Variants in EBF1 observed in about 807,000 individuals in gnomAD.
The protein encoded by EBF1 is EBF transcription factor 1, also known as transcription factor COE1.
Under a neutral mutation model 68.4 loss-of-function variants are expected in EBF1, and 10 were observed. The observed-to-expected ratio is 0.15, with a 90% CI of 0.09 to 0.25. EBF1 has a LOEUF of 0.25. Ranked by LOEUF, EBF1 falls within the 10% of genes least tolerant of loss-of-function variation. The probability of loss-of-function intolerance (pLI) is 1.00; values close to 1 mark genes in which losing one functional copy is unlikely to be tolerated. For missense variants in EBF1, 509 were observed against 794.4 expected (o/e 0.64, Z 4.32); for synonymous variants, 298 against 299.8 (o/e 0.99, Z 0.06).
intron 6 of EBF1, among the ~76,000 whole-genome samples, chr5:159,047,940 C>G (rs1200294668): frequency 2.6e-5 from 4 of 152,174 alleles, no homozygotes; most frequent in Admixed American, 2.0e-4. Context: ...CCAGAACTGT[C>G]TGCATTTCAG....
chr5:158,737,203 A>G (rs1427507188), intron 10 of EBF1, among the ~76,000 whole-genome samples: 1 of 150,796 alleles, frequency 6.6e-6, no homozygotes, highest in Non-Finnish European at 1.5e-5. Flanking sequence ...AAGCCAACAT[A>G]GGCAGAATTA....
chr5:159,006,031 T>C (rs1283883817), intron 6 of EBF1, among the ~76,000 whole-genome samples: 1 of 152,360 alleles, frequency 6.6e-6, no homozygotes, highest in Admixed American at 6.5e-5. Context: ...CTAAACTTCC[T>C]GACCTCTCTC....
At chr5:158,730,684 T>C (rs1382600000) in intron 11 of EBF1, among the ~76,000 whole-genome samples, 2 of 152,236 alleles carry the variant, frequency 1.3e-5, no homozygotes, top group Non-Finnish European at 2.9e-5. Flanking sequence ...ATTGGTAAGA[T>C]GTAGCGATTA....
intron 9 of EBF1, among the ~76,000 whole-genome samples, chr5:158,787,130 G>A (rs931225430): frequency 7.9e-5 from 12 of 152,130 alleles, no homozygotes; most frequent in African/African-American, 2.9e-4. Context: ...TAATAATGTG[G>A]CTGTACAACT....
At chr5:158,714,514 G>A (rs749895724) in intron 11 of EBF1, among the ~76,000 whole-genome samples, 17 of 151,830 alleles carry the variant, frequency 1.1e-4, no homozygotes, top group South Asian at 6.2e-4. Flanking sequence ...TCATTCAGTC[G>A]TGGTATGAAT....
chr5:159,011,503 T>G (rs2127681441), intron 6 of EBF1, among the ~76,000 whole-genome samples: 1 of 152,312 alleles, frequency 6.6e-6, no homozygotes, highest in East Asian at 1.9e-4. Flanking sequence ...TTGGTAAGTT[T>G]GGGGGGCTGG....
chr5:158,860,095 C>G (rs190615671), intron 6 of EBF1, among the ~76,000 whole-genome samples: 55 of 152,358 alleles, frequency 3.6e-4, no homozygotes, highest in African/African-American at 1.3e-3. Context: ...CAATAAACTT[C>G]TAGTTCCGCA....
chr5:158,949,843 T>C (rs912101665), intron 6 of EBF1, among the ~76,000 whole-genome samples: 5 of 152,252 alleles, frequency 3.3e-5, no homozygotes, highest in African/African-American at 1.2e-4. Context: ...ATGTTAGATA[T>C]TCATTCCCTA....
chr5:158,859,883 C>T (rs1013499337), intron 6 of EBF1, among the ~76,000 whole-genome samples: 1 of 152,370 alleles, frequency 6.6e-6, no homozygotes, highest in East Asian at 1.9e-4. Context: ...TCTGCATTTA[C>T]ATTTCATATC....
intron 6 of EBF1, among the ~76,000 whole-genome samples, chr5:158,969,923 A>AGAAG (rs1755253104): frequency 2.4e-5 from 3 of 127,366 alleles, no homozygotes; most frequent in African/African-American, 2.8e-5. Flanking sequence ...AAAGAAAAAA[A>AGAAG]AAAAAAAGGC....
chr5:159,010,015 A>G (rs562372986), intron 6 of EBF1, among the ~76,000 whole-genome samples: 5 of 152,360 alleles, frequency 3.3e-5, no homozygotes, highest in African/African-American at 1.2e-4. Flanking sequence ...GTACCAAAAT[A>G]CCAAATACAG....
At chr5:158,864,636 T>C (rs1466192025) in intron 6 of EBF1, among the ~76,000 whole-genome samples, 1 of 152,058 alleles carries the variant, frequency 6.6e-6, no homozygotes, top group Non-Finnish European at 1.5e-5. Context: ...TAAAAAAAGA[T>C]AATGTCAGTT....
intron 6 of EBF1, among the ~76,000 whole-genome samples, chr5:158,945,604 A>C (rs556985071): frequency 2.9e-4 from 44 of 152,168 alleles, no homozygotes; most frequent in Admixed American, 2.5e-3. Context: ...TGTCCTTAAC[A>C]TTTTTTCCTT....
At chr5:158,764,839 G>C (rs966198407) in intron 10 of EBF1, among the ~76,000 whole-genome samples, 1 of 152,132 alleles carries the variant, frequency 6.6e-6, no homozygotes, top group African/African-American at 2.4e-5. Flanking sequence ...GGAGGATACA[G>C]ATCTGATATC....
At chr5:158,802,184 C>G (rs867129341) in intron 8 of EBF1, among the ~76,000 whole-genome samples, 2 of 152,086 alleles carry the variant, frequency 1.3e-5, no homozygotes, top group Non-Finnish European at 2.9e-5. Flanking sequence ...ATCAATACCT[C>G]ACTTGTTTGG....
At chr5:158,710,284 C>A (rs1758900037) in intron 14 of EBF1, among the ~76,000 whole-genome samples, 1 of 152,222 alleles carries the variant, frequency 6.6e-6, no homozygotes, top group Non-Finnish European at 1.5e-5. Flanking sequence ...CACAGTCTGA[C>A]AGATGCAATC....
intron 6 of EBF1, among the ~76,000 whole-genome samples, chr5:158,874,468 G>A (rs937265826): frequency 3.3e-5 from 5 of 152,164 alleles, no homozygotes; most frequent in African/African-American, 1.2e-4. Context: ...TATTTAATTA[G>A]GGACAGCAAG....
intron 6 of EBF1, among the ~76,000 whole-genome samples, chr5:159,070,679 T>C (rs1777644460): frequency 6.6e-6 from 1 of 152,228 alleles, no homozygotes; most frequent in Non-Finnish European, 1.5e-5. Context: ...CTAAAAATTA[T>C]TGGTGCTCAA....
chr5:159,002,832 A>G (rs1762808670), intron 6 of EBF1, among the ~76,000 whole-genome samples: 1 of 152,260 alleles, frequency 6.6e-6, no homozygotes, highest in African/African-American at 2.4e-5. Flanking sequence ...GTCATGTGCT[A>G]AACTAAAATG....
Sources: allele counts gnomAD v4.1 joint callset (sites outside exome capture counted in the v4.1 genomes callset), GRCh38; gene constraint gnomAD v4.1.1; transcripts MANE v1.5; gene names NCBI Gene and HGNC (gene_info 2026-07-23, HGNC 2026-07-21).